CNTNAP5: variants seen among roughly 807,000 people sequenced by gnomAD.
CNTNAP5 encodes contactin associated protein family member 5.
Under a neutral mutation model 150.2 loss-of-function variants are expected in CNTNAP5, and 72 were observed. That is an observed-to-expected ratio of 0.48 (90% CI 0.40 to 0.58). CNTNAP5 has a LOEUF of 0.58. CNTNAP5 is among the 20% of genes least tolerant of loss of function. The pLI, the probability that CNTNAP5 is intolerant of heterozygous loss-of-function variation, is 0.00. For missense variants in CNTNAP5, 1,636 were observed against 1,626.2 expected, an observed-to-expected ratio of 1.01 and a Z score of -0.10; for synonymous variants, 672 against 619.8, an observed-to-expected ratio of 1.08 and a Z score of -1.25.
chr2:124,780,641 CT>C (rs1461365477), intron 17 of CNTNAP5, among the ~76,000 whole-genome samples: 8 of 152,344 alleles, frequency 5.3e-5, no homozygotes, highest in East Asian at 1.9e-4. Context: ...TATTTTCCCC[CT>C]GATCTGTTCA....
chr2:124,485,685 C>T (rs1002665646), intron 7 of CNTNAP5, among the ~76,000 whole-genome samples: 11 of 149,642 alleles, frequency 7.4e-5, no homozygotes, highest in African/African-American at 2.5e-4. Context: ...AGCAAAGAAG[C>T]TTGCCGGAAA....
At chr2:124,588,177 C>CTTCTTTCTTTATTTCTTTCT (rs1696591484) in intron 11 of CNTNAP5, among the ~76,000 whole-genome samples, 1 of 110,820 alleles carries the variant, frequency 9.0e-6, no homozygotes, top group Non-Finnish European at 2.0e-5. Context: ...TCCTTCCTTC[C>CTTCTTTCTTTATTTCTTTCT]TTCTTTCTTT....
chr2:124,713,335 CT>C (rs1558747005), intron 13 of CNTNAP5, among the ~76,000 whole-genome samples: 5 of 103,806 alleles, frequency 4.8e-5, no homozygotes, highest in African/African-American at 1.9e-4. Context: ...TTCTTTCTTT[CT>C]TTCTTTCTTT....
chr2:124,772,959 C>G lies in CNTNAP5; in HGVS notation c.2694C>G (p.Thr898=). ...SLQVDNLPRS[T]RETSEEGHFR... ...AGGTGGACAACCTTCCAAGGAGCAC[C>G]AGGGAGACGTCGGAGGAGGGCCATT... The change falls in exon 17 of 24, where the codon ACC becomes ACG. Residue 898 remains threonine (T), a synonymous_variant. Coordinates refer to ENST00000682447, the MANE Select transcript of CNTNAP5 (RefSeq NM_001367498.1). 1.9e-6 allele frequency: 3 copies of G among 1,613,696 alleles called. No homozygotes were observed. Among genetic ancestry groups the G allele is most frequent in the Non-Finnish European group, 8.5e-7 (1 of 1,179,714 alleles).
Position 124,702,346 on chromosome 2 carries a change from C to CTTTTTT in CNTNAP5, c.2078-44838_2078-44833dup, listed in dbSNP as rs71412792. 8.2e-4 allele frequency among the ~76,000 whole-genome samples: 43 copies of CTTTTTT among 52,250 alleles called. 9 individuals carry two copies. Among genetic ancestry groups the CTTTTTT allele is most frequent in the South Asian group, 3.0e-3 (3 of 1,012 alleles). The allele number at this position is 52,250 out of a possible 152,430, so 34.3% of individuals were successfully genotyped here. On this transcript the variant is annotated intron_variant, in intron 13 of 23. Coordinates refer to ENST00000682447, the MANE Select transcript of CNTNAP5 (RefSeq NM_001367498.1). ...ATGTCCTTCTGTGAAACTATGAACA[C>CTTTTTT]TTTTTTTTTTTTTTTTTTTTTTTTT...
rs1687345388 is a variant in CNTNAP5 at position 124,257,635 on chromosome 2, C to T, written c.381+15242C>T. ...TCAATTACTTCAAGTAAAAGTGATC[C>T]TTTGCACATCTGCACTCCCTTTCTC... On this transcript the variant is annotated intron_variant, in intron 3 of 23. Transcript: ENST00000682447. 3.3e-5 allele frequency among the ~76,000 whole-genome samples: 5 copies of T among 152,152 alleles called. No individual in the cohort carries two copies. The South Asian group carries it at 1.0e-3, about 31-fold the overall frequency.
At chr2:124,061,199 C>G (rs1682001366) in intron 1 of CNTNAP5, among the ~76,000 whole-genome samples, 1 of 152,244 alleles carries the variant, frequency 6.6e-6, no homozygotes, top group Non-Finnish European at 1.5e-5. Flanking sequence ...TGCCTTGTTA[C>G]TGCATTTCAC....
chr2:124,415,611 C>A (rs2104775110), intron 3 of CNTNAP5, among the ~76,000 whole-genome samples: 1 of 152,228 alleles, frequency 6.6e-6, no homozygotes, highest in Non-Finnish European at 1.5e-5. Flanking sequence ...GATTGCACAC[C>A]AGCAAGTAGG....
At chr2:124,672,576 A>C (rs13415836) in intron 13 of CNTNAP5, among the ~76,000 whole-genome samples, 38,040 of 152,024 alleles carry the variant, frequency 0.25, 5,143 homozygotes, top group African/African-American at 0.36. Context: ...GCCCCAAAAG[A>C]AGAGGACATT....
intron 6 of CNTNAP5, among the ~76,000 whole-genome samples, chr2:124,458,273 AATAT>A (rs1239207904): frequency 8.4e-6 from 1 of 119,364 alleles, no homozygotes; most frequent in Non-Finnish European, 1.7e-5. Context: ...TATACAATAT[AATAT>A]ATATAATGTA....
At chr2:124,449,693 A>C (rs1692918067) in intron 6 of CNTNAP5, among the ~76,000 whole-genome samples, 1 of 152,154 alleles carries the variant, frequency 6.6e-6, no homozygotes, top group Non-Finnish European at 1.5e-5. Flanking sequence ...AGGCACCTTG[A>C]AACGTTTCTC....
At chr2:124,344,886 C>T (rs917816707) in intron 3 of CNTNAP5, among the ~76,000 whole-genome samples, 2 of 152,192 alleles carry the variant, frequency 1.3e-5, no homozygotes, top group Admixed American at 6.5e-5. Flanking sequence ...GGCTCCCAAG[C>T]CCTTGGAAAC....
chr2:124,645,491 C>T (rs1319235569), intron 12 of CNTNAP5, among the ~76,000 whole-genome samples: 1 of 152,076 alleles, frequency 6.6e-6, no homozygotes, highest in Non-Finnish European at 1.5e-5. Context: ...TCGCTTGAGC[C>T]CAGGTGGCCA....
intron 3 of CNTNAP5, among the ~76,000 whole-genome samples, chr2:124,351,399 C>T (rs891127726): frequency 6.6e-6 from 1 of 152,156 alleles, no homozygotes; most frequent in Non-Finnish European, 1.5e-5. Flanking sequence ...TTGTTCAGTT[C>T]ACCTTCTCTG....
chr2:124,035,859 T>C (rs1480743758), intron 1 of CNTNAP5, among the ~76,000 whole-genome samples: 1 of 151,396 alleles, frequency 6.6e-6, no homozygotes, highest in African/African-American at 2.4e-5. Context: ...TACTTCGTGG[T>C]CTCTCTCCTC....
intron 3 of CNTNAP5, among the ~76,000 whole-genome samples, chr2:124,282,282 A>C (rs1688032769): frequency 6.6e-6 from 1 of 152,188 alleles, no homozygotes; most frequent in Non-Finnish European, 1.5e-5. Context: ...TATTTCTGAA[A>C]TGGGAATCAT....
rs1203257816 is a variant in CNTNAP5, at chr2:124,558,132, C to T, written c.1650-5085C>T. Among the ~76,000 whole-genome samples, 4 of 152,178 alleles carry T rather than the reference C, an allele frequency of 2.6e-5. No homozygotes were observed. The East Asian group carries it at 7.7e-4, about 29-fold the overall frequency. ...TGTGTTGGGAATTAACTGAAGGGGT[C>T]AAGGATGGAAGCTGGGAGACCAGTT... On this transcript the variant is annotated intron_variant, in intron 10 of 23. Transcript: ENST00000682447.
intron 6 of CNTNAP5, among the ~76,000 whole-genome samples, chr2:124,458,168 G>A (rs762081768): frequency 1.7e-5 from 2 of 115,396 alleles, no homozygotes; most frequent in East Asian, 2.7e-4. Context: ...CAACTCAAAT[G>A]CCCATCAATC....
chr2:124,267,184 C>A (rs1439479233), intron 3 of CNTNAP5, among the ~76,000 whole-genome samples: 1 of 152,064 alleles, frequency 6.6e-6, no homozygotes, highest in African/African-American at 2.4e-5. Flanking sequence ...ACTGCCATCT[C>A]AAAAGCATAC....
Sources: allele counts gnomAD v4.1 joint callset (sites outside exome capture counted in the v4.1 genomes callset), GRCh38; gene constraint gnomAD v4.1.1; transcripts MANE v1.5; gene names NCBI Gene and HGNC (gene_info 2026-07-23, HGNC 2026-07-21).